KPTN: variants seen among roughly 807,000 people sequenced by gnomAD.
KPTN encodes kaptin, actin binding protein.
In KPTN, 36 loss-of-function variants were observed where a neutral mutation model predicts 52.6. The observed-to-expected ratio is 0.68, with a 90% CI of 0.52 to 0.90. KPTN has a LOEUF of 0.90. KPTN is among the 40% of genes least tolerant of loss of function. KPTN has a pLI of 0.00. For missense variants in KPTN, 529 were observed against 576.2 expected (o/e 0.92, Z 0.84); for synonymous variants, 271 against 248.4 (o/e 1.09, Z -0.85).
chr19:47,476,832 G>A lies in KPTN; in HGVS notation c.970C>T (p.Pro324Ser), dbSNP rs1483343563. ...CCATAGGTGGCCACCAGGACTTCTG[G>A]CCGCCCATCCAAATCCACATCGGTG... The part of the protein sequence containing the change: ...LVTDVDLDGR[P>S]EVLVATYGQE... The change falls in exon 10 of 12, where the codon CCA becomes TCA. Residue 324 changes from proline to serine, a missense_variant. Pro to Ser is a moderately conservative substitution (Grantham distance 74, BLOSUM62 -1). Coordinates refer to ENST00000338134, the MANE Select transcript of KPTN (RefSeq NM_007059.4). The A allele has an allele frequency of 1.3e-6, 2 of 1,582,790 alleles. No homozygotes were observed. The highest frequency in any genetic ancestry group is 1.3e-5 in the African/African-American group (1 of 74,370).
chr19:47,483,251 C>T (rs772328610), intron 3 of KPTN, 36 bp from the exon 4 acceptor site: 6 of 1,613,478 alleles, frequency 3.7e-6, no homozygotes, highest in East Asian at 4.5e-5. Flanking sequence ...GCATGGGGGA[C>T]CTGCTGGGGA....
intron 4 of KPTN, among the ~76,000 whole-genome samples, chr19:47,482,007 C>G (rs140190885): frequency 2.6e-5 from 4 of 152,316 alleles, no homozygotes; most frequent in Non-Finnish European, 5.9e-5. Context: ...AATCTTAGAG[C>G]CTACGACTCT....
intron 7 of KPTN, 117 bp from the exon 8 acceptor site, chr19:47,480,057 G>A: frequency 1.8e-6 from 1 of 548,408 alleles, no homozygotes. Flanking sequence ...CCCCTCTGAA[G>A]CCCTCAACCC....
At position 47,475,339 on chromosome 19, in the gene KPTN, G is replaced by T; in HGVS notation, c.*77C>A. 1 of 1,539,132 alleles carries T rather than the reference G, an allele frequency of 6.5e-7. No homozygotes were observed. Among genetic ancestry groups the T allele is most frequent in the Non-Finnish European group, 8.8e-7 (1 of 1,136,750 alleles). ...TCTGGGGAGAGCATCCTGTCCTTCA[G>T]GACACCCCCCACCAGCGGCTGGAGG... On this transcript the variant is annotated 3_prime_UTR_variant, in exon 12 of 12. Coordinates refer to ENST00000338134, the MANE Select transcript of KPTN (RefSeq NM_007059.4).
Position 47,480,702 on chromosome 19 carries a change from C to A in KPTN, c.599+58G>T, listed in dbSNP as rs946161847. ...CCAATTTCTCTAAGGTCTCACCGCCCGATTTCTCTGATGTCAGTGCCCCGG... is the reference window on the plus strand; with the variant it reads ...CCAATTTCTCTAAGGTCTCACCGCCAGATTTCTCTGATGTCAGTGCCCCGG... On this transcript the variant is annotated intron_variant, in intron 6 of 11. Transcript: ENST00000338134. The A allele has an allele frequency of 2.0e-6, 3 of 1,517,924 alleles. No homozygotes were observed. In the African/African-American group the frequency reaches 4.1e-5, roughly 21 times the overall value. 94.0% of individuals were successfully genotyped at this position (1,517,924 alleles called of 1,614,324 possible). A position where few individuals can be genotyped will look rare whatever the true frequency, so the allele number is the denominator to read the frequency against.
At chr19:47,477,121 C>G (rs1967698525) in intron 9 of KPTN, among the ~76,000 whole-genome samples, 183 bp from the exon 10 acceptor site, 2 of 152,220 alleles carry the variant, frequency 1.3e-5, no homozygotes, top group Admixed American at 6.5e-5. Flanking sequence ...AGGGGTCAAC[C>G]TGTGCACTCA....
intron 11 of KPTN, among the ~76,000 whole-genome samples, chr19:47,475,804 T>C (rs996776838): frequency 2.0e-5 from 3 of 151,664 alleles, no homozygotes; most frequent in South Asian, 2.1e-4. Context: ...ATAAAAGGAA[T>C]ATAAAATTTA....
rs201798985 is a variant in KPTN at position 47,477,763 on chromosome 19, A to G, written c.806T>C (p.Leu269Pro). The change falls in exon 9 of 12, where the codon CTA becomes CCA. Residue 269 changes from leucine (L) to proline (P), a missense_variant. Leu to Pro is a moderately conservative substitution (Grantham distance 98, BLOSUM62 -3). Coordinates refer to ENST00000338134, the MANE Select transcript of KPTN (RefSeq NM_007059.4). ...SAAKETKDRP[L>P]QDEYSVLVAS... ...CACGAGCACGCTGTACTCATCTTGT[A>G]GTGGCCTGTCCTTGGTCTCTGGAGA... 6.9e-5 allele frequency: 111 copies of G among 1,613,572 alleles called. No homozygotes were observed. In the African/African-American group the frequency reaches 1.3e-3, roughly 19 times the overall value.
At chr19:47,478,723 T>TA (rs1227800495) in intron 8 of KPTN, among the ~76,000 whole-genome samples, 4 of 152,232 alleles carry the variant, frequency 2.6e-5, no homozygotes, top group Admixed American at 2.6e-4. Flanking sequence ...ACTCAAGTCA[T>TA]AAAAATGTTG....
Position 47,479,953 on chromosome 19 carries a change from C to T in KPTN, c.710-13G>A, listed in dbSNP as rs74402029. The T allele has an allele frequency of 6.2e-7, 1 of 1,606,488 alleles. No homozygotes were observed. On this transcript the variant is annotated splice_polypyrimidine_tract_variant and intron_variant, in intron 7 of 11. Transcript: ENST00000338134. ...ATCTGCAGAACCTCTGCGTGGAGAG[C>T]GAGGATTCAGAGCCCCAACCCCACC...
At chr19:47,482,264 G>A (rs976200641) in intron 4 of KPTN, among the ~76,000 whole-genome samples, 3 of 152,070 alleles carry the variant, frequency 2.0e-5, no homozygotes, top group Admixed American at 6.5e-5. Flanking sequence ...CAAGGCGGGC[G>A]GATCACCTGA....
chr19:47,483,250 AC>A (rs1308580998), intron 3 of KPTN, 35 bp from the exon 4 acceptor site: 1 of 1,612,672 alleles, frequency 6.2e-7, no homozygotes. Flanking sequence ...AGCATGGGGG[AC>A]CTGCTGGGGA....
chr19:47,478,810 G>T (rs1967766956), intron 8 of KPTN, among the ~76,000 whole-genome samples: 1 of 152,156 alleles, frequency 6.6e-6, no homozygotes, highest in African/African-American at 2.4e-5. Context: ...ACCAAAAAAT[G>T]TATGTTCTCA....
At chr19:47,479,168 G>A (rs1410726156) in intron 8 of KPTN, among the ~76,000 whole-genome samples, 1 of 152,058 alleles carries the variant, frequency 6.6e-6, no homozygotes. Flanking sequence ...TCAGCCTTCC[G>A]AGTAGCTGGG....
chr19:47,475,646 C>A (rs1394715036), intron 11 of KPTN, 102 bp from the exon 12 acceptor site: 5 of 1,409,290 alleles, frequency 3.5e-6, no homozygotes, highest in African/African-American at 1.4e-5. Context: ...AGGAGCTCGG[C>A]CCACGTGGGA....
At chr19:47,477,857 C>G (rs1599870531) in intron 8 of KPTN, 76 bp from the exon 9 acceptor site, 1 of 960,652 alleles carries the variant, frequency 1.0e-6, no homozygotes, top group African/African-American at 1.6e-5. Context: ...GTCAGGAGTT[C>G]GAGACCAGCC....
At chr19:47,483,830 T>C in intron 1 of KPTN, 105 bp downstream of exon 1, 1 of 1,487,908 alleles carries the variant, frequency 6.7e-7, no homozygotes, top group Non-Finnish European at 9.1e-7. Flanking sequence ...TAAAACCACC[T>C]GATCCCATTC....
Position 47,480,999 on chromosome 19 carries a change from G to C in KPTN, c.484C>G (p.Leu162Val). 1 of 1,595,430 alleles carries C rather than the reference G, an allele frequency of 6.3e-7. No homozygotes were observed. The highest frequency in any genetic ancestry group is 8.5e-7 in the Non-Finnish European group (1 of 1,170,074). The change falls in exon 5 of 12, where the codon CTC (leucine) becomes GTC (valine). Residue 162 changes from leucine to valine, a missense_variant. Transcript: ENST00000338134. ...QVGDQLETVF[L>V]LSGNDPAIHL... ...ATGGCCGGGTCGTTCCCACTCAAGA[G>C]AAACACAGTCTCAAGTTGATCCCCG...
Position 47,481,408 on chromosome 19 carries a change from T to C in KPTN, c.450-375A>G, listed in dbSNP as rs1023148532. On this transcript the variant is annotated intron_variant, in intron 4 of 11. Coordinates refer to ENST00000338134, the MANE Select transcript of KPTN (RefSeq NM_007059.4). Reference sequence around the variant, plus strand: ...CAGAACCTTAGAAAGCTAGGACCTCTTCATTCTGAAACCCTGGTATTCTAG... The same window carrying C: ...CAGAACCTTAGAAAGCTAGGACCTCCTCATTCTGAAACCCTGGTATTCTAG... Among the ~76,000 whole-genome samples, 6 of 152,208 alleles carry C rather than the reference T, an allele frequency of 3.9e-5. No homozygotes were observed. The South Asian group carries it at 8.3e-4, about 21-fold the overall frequency.
Sources: allele counts gnomAD v4.1 joint callset (sites outside exome capture counted in the v4.1 genomes callset), GRCh38; gene constraint gnomAD v4.1.1; transcripts MANE v1.5; gene names NCBI Gene and HGNC (gene_info 2026-07-23, HGNC 2026-07-21).